The following EXOC3L4 variants were observed in gnomAD, a reference collection of about 807,000 sequenced individuals.
EXOC3L4 encodes the protein exocyst complex component 3 like 4, also known as exocyst complex component 3-like protein 4.
A neutral mutation model predicts 69.7 loss-of-function variants in EXOC3L4; 62 were observed. That is an observed-to-expected ratio of 0.89 (90% confidence interval 0.72 to 1.10). EXOC3L4 has a LOEUF of 1.10. Among genes scored for constraint, EXOC3L4 ranks in the 50% least tolerant of loss-of-function variants. EXOC3L4 has a pLI of 0.00. For missense variants in EXOC3L4, 1,087 were observed against 1,034.8 expected (o/e 1.05, Z -0.69); for synonymous variants, 502 against 464.2 (o/e 1.08, Z -1.05).
At position 103,110,112 on chromosome 14, in the gene EXOC3L4, C is replaced by T. The variant is rs1241205803; in HGVS notation, c.2058C>T (p.Asp686=). Residue 686 remains aspartate (D), a synonymous_variant, in exon 12 of 12, where the codon GAC becomes GAT. Transcript: ENST00000688303. ...AGCATCTCTTGCAGCACACTCAAGACCTGCTGAGAGCTGCGGCCGGGGCGG... is the reference window on the plus strand; with the variant it reads ...AGCATCTCTTGCAGCACACTCAAGATCTGCTGAGAGCTGCGGCCGGGGCGG... The part of the protein sequence containing the change: ...RNQHLLQHTQ[D]LLRAAAGAAG... 2 of 1,580,852 alleles carry T rather than the reference C, an allele frequency of 1.3e-6. No homozygotes were observed. Among genetic ancestry groups the T allele is most frequent in the South Asian group, 1.2e-5 (1 of 86,800 alleles).
In EXOC3L4 at chr14:103,102,253, G is replaced by C. The variant is rs777404935; in HGVS notation, c.530G>C (p.Arg177Pro). The C allele has an allele frequency of 6.3e-7, 1 of 1,586,480 alleles. No homozygotes were observed. Among genetic ancestry groups the C allele is most frequent in the Non-Finnish European group, 8.6e-7 (1 of 1,168,444 alleles). ...GAGCAGGACCCTACGGCCTTCGCGC[G>C]GCGCGCTATGGACGTGTGCCTGCTT... The part of the protein sequence containing the change: ...TFEQDPTAFA[R>P]RAMDVCLLYD... The change falls in exon 3 of 12, where the codon CGG becomes CCG. Residue 177 changes from arginine to proline, a missense_variant. Physicochemically the swap from Arg to Pro is moderately radical, Grantham distance 103 (BLOSUM62 -2). Transcript: ENST00000688303.
chr14:103,095,586 A>C (rs1302638486), intron 1 of EXOC3L4, among the ~76,000 whole-genome samples: 3 of 152,178 alleles, frequency 2.0e-5, no homozygotes, highest in Non-Finnish European at 4.4e-5. Flanking sequence ...TGAGGGAATG[A>C]GTTGGGACTG....
intron 2 of EXOC3L4, among the ~76,000 whole-genome samples, chr14:103,101,008 T>G (rs1270999170): frequency 1.3e-5 from 2 of 151,688 alleles, no homozygotes; most frequent in Non-Finnish European, 2.9e-5. Flanking sequence ...GTTCAAGTGA[T>G]TCTTCTGCCT....
At chr14:103,106,610 C>T (rs1254797328) in intron 7 of EXOC3L4, among the ~76,000 whole-genome samples, 175 bp from the exon 8 acceptor site, 1 of 152,194 alleles carries the variant, frequency 6.6e-6, no homozygotes, top group Non-Finnish European at 1.5e-5. Flanking sequence ...TTGTGACTGG[C>T]TCCCTGGGCT....
Position 103,106,777 on chromosome 14 carries a change from C to T in EXOC3L4, c.1467-8C>T, listed in dbSNP as rs534488498. The stretch of plus-strand genomic sequence containing the variant: ...CCCACCTCATCGCTGGTCCTGGCCC[C>T]TCCCCAGGACCAGTCTTCTCTCCAG... On this transcript the variant is annotated splice_polypyrimidine_tract_variant and splice_region_variant and intron_variant, in intron 7 of 11. Coordinates refer to ENST00000688303, the MANE Select transcript of EXOC3L4 (RefSeq NM_001077594.2). The T allele has an allele frequency of 6.4e-7, 1 of 1,550,742 alleles. No individual in the cohort carries two copies. The highest frequency in any genetic ancestry group is 1.2e-5 in the South Asian group (1 of 84,582).
Position 103,110,125 on chromosome 14 carries a change from G to T in EXOC3L4, c.2071G>T (p.Ala691Ser), listed in dbSNP as rs1164198094. 1 of 1,556,170 alleles carries T rather than the reference G, an allele frequency of 6.4e-7. No homozygotes were observed. The highest frequency in any genetic ancestry group is 2.0e-5 in the Admixed American group (1 of 51,002). Reference protein sequence around the residue: ...LQHTQDLLRAAAGAAGAEAPR... With the variant: ...LQHTQDLLRASAGAAGAEAPR... ...GCACACTCAAGACCTGCTGAGAGCTGCGGCCGGGGCGGCGGGTGCGGAGGC... is the reference window on the plus strand; with the variant it reads ...GCACACTCAAGACCTGCTGAGAGCTTCGGCCGGGGCGGCGGGTGCGGAGGC... The change falls in exon 12 of 12, where the codon GCG (alanine) becomes TCG (serine). Residue 691 changes from alanine to serine, a missense_variant. Transcript: ENST00000688303.
rs985989746 is a variant in EXOC3L4 at position 103,110,245 on chromosome 14, G to T, written c.*22G>T. On this transcript the variant is annotated 3_prime_UTR_variant, in exon 12 of 12. Coordinates refer to ENST00000688303, the MANE Select transcript of EXOC3L4 (RefSeq NM_001077594.2). ...CTAGTTCTCTCTGGCTCGAGGGGGG[G>T]CCGGCCGCTGGCAGGGAGCTGTGGT... 1.7e-5 allele frequency: 26 copies of T among 1,495,348 alleles called. No homozygotes were observed. The highest frequency in any genetic ancestry group is 2.0e-5 in the Non-Finnish European group (22 of 1,122,700). The allele number at this position is 1,495,348 out of a possible 1,614,324, so 92.6% of individuals were successfully genotyped here.
Position 103,108,449 on chromosome 14 carries a change from G to A in EXOC3L4, c.1908G>A (p.Leu636=), listed in dbSNP as rs763741958. 7 of 1,613,748 alleles carry A rather than the reference G, an allele frequency of 4.3e-6. No individual in the cohort carries two copies. The African/African-American group carries it at 9.4e-5, about 22-fold the overall frequency. Residue 636 remains leucine (L), a synonymous_variant, in exon 11 of 12, where the codon CTG becomes CTA. Coordinates refer to ENST00000688303, the MANE Select transcript of EXOC3L4 (RefSeq NM_001077594.2). ...CCATCCAGTGCGTGGCTGAGATCCTGGGCGAGACCTACAAAGATGACATCC... is the reference window on the plus strand; with the variant it reads ...CCATCCAGTGCGTGGCTGAGATCCTAGGCGAGACCTACAAAGATGACATCC... ...DQAIQCVAEI[L]GETYKDDIQR... is the part of the protein sequence containing the mutation.
At position 103,097,520 on chromosome 14, in the gene EXOC3L4, C is replaced by T. The variant is rs1889949438; in HGVS notation, c.-17+2680C>T. ...CCTTCAGGTCTCAGCCCCGCAGGCG[C>T]CAGCATGGCAGCAGGCAGGCCAGCC... On this transcript the variant is annotated intron_variant, in intron 1 of 11. Coordinates refer to ENST00000688303, the MANE Select transcript of EXOC3L4 (RefSeq NM_001077594.2). This position sits in a 1 kb window ranked among gnomAD's most constrained non-coding sequence, Gnocchi z 4.9. Among the ~76,000 whole-genome samples the T allele has an allele frequency of 6.6e-6, 1 of 152,130 alleles. No homozygotes were observed. Among genetic ancestry groups the T allele is most frequent in the Non-Finnish European group, 1.5e-5 (1 of 68,014 alleles).
chr14:103,101,466 G>A (rs1169874246), intron 2 of EXOC3L4, among the ~76,000 whole-genome samples: 3 of 152,346 alleles, frequency 2.0e-5, no homozygotes, highest in Non-Finnish European at 2.9e-5. Flanking sequence ...GTCTCACAGC[G>A]TGGAGAATGG....
Position 103,110,241 on chromosome 14 carries a change from G to T in EXOC3L4, c.*18G>T, listed in dbSNP as rs369045046. 1.0e-5 allele frequency: 15 copies of T among 1,497,778 alleles called. 1 individual carries two copies. The South Asian group carries it at 1.2e-4, about 12-fold the overall frequency. The allele number at this position is 1,497,778 out of a possible 1,614,324, so 92.8% of individuals were successfully genotyped here. A position where few individuals can be genotyped will look rare whatever the true frequency, so the allele number is the denominator to read the frequency against. ...GCGTCTAGTTCTCTCTGGCTCGAGG[G>T]GGGGCCGGCCGCTGGCAGGGAGCTG... On this transcript the variant is annotated 3_prime_UTR_variant, in exon 12 of 12. Coordinates refer to ENST00000688303, the MANE Select transcript of EXOC3L4 (RefSeq NM_001077594.2).
chr14:103,107,375 G>T (rs201051646), intron 8 of EXOC3L4, 49 bp from the exon 9 acceptor site: 1 of 1,590,194 alleles, frequency 6.3e-7, no homozygotes, highest in South Asian at 1.1e-5. Flanking sequence ...GAGGGGTTAC[G>T]TTGCGGGCGT....
At position 103,107,390 on chromosome 14, in the gene EXOC3L4, C is replaced by T. The variant is rs927698157; in HGVS notation, c.1582-34C>T. The T allele has an allele frequency of 1.1e-5, 17 of 1,601,206 alleles. No homozygotes were observed. In the East Asian group the frequency reaches 1.3e-4, roughly 13 times the overall value. ...GAGGGGTTACGTTGCGGGCGTAGTG[C>T]ACATTTGCAGACTCCCAGCCCCTCT... is the stretch of plus-strand genomic sequence containing the variant. On this transcript the variant is annotated intron_variant, in intron 8 of 11. Coordinates refer to ENST00000688303, the MANE Select transcript of EXOC3L4 (RefSeq NM_001077594.2).
intron 7 of EXOC3L4, among the ~76,000 whole-genome samples, chr14:103,105,500 G>C (rs78702790): frequency 0.03 from 4,516 of 152,132 alleles, 305 homozygotes; most frequent in East Asian, 0.25. Context: ...AGGGGCCCTG[G>C]GGGAGTGTGG....
At chr14:103,100,636 G>A (rs1045032964) in intron 2 of EXOC3L4, 23 bp downstream of exon 2, 9 of 1,584,820 alleles carry the variant, frequency 5.7e-6, no homozygotes, top group Non-Finnish European at 7.7e-6. Context: ...GAAACAACAC[G>A]AAGCATGAAA....
At position 103,102,214 on chromosome 14, in the gene EXOC3L4, C is replaced by T. The variant is rs1299980362; in HGVS notation, c.491C>T (p.Ala164Val). 3 of 1,592,370 alleles carry T rather than the reference C, an allele frequency of 1.9e-6. No individual in the cohort carries two copies. Among genetic ancestry groups the T allele is most frequent in the Non-Finnish European group, 2.6e-6 (3 of 1,170,334 alleles). Residue 164 changes from alanine (A) to valine (V), a missense_variant, in exon 3 of 12, where the codon GCC (alanine) becomes GTC (valine). Transcript: ENST00000688303. Reference protein sequence around the residue: ...RLETLLVAEKASRTFEQDPTA... With the variant: ...RLETLLVAEKVSRTFEQDPTA... ...GAGACGCTGCTGGTGGCCGAGAAGG[C>T]CTCGCGCACCTTTGAGCAGGACCCT... is the stretch of plus-strand genomic sequence containing the variant.
At chr14:103,096,514 C>T (rs1889894658) in intron 1 of EXOC3L4, among the ~76,000 whole-genome samples, 3 of 151,498 alleles carry the variant, frequency 2.0e-5, no homozygotes, top group East Asian at 2.0e-4. Context: ...GTTTATATCC[C>T]GATCATTGTC....
At chr14:103,102,015 A>T in intron 2 of EXOC3L4, 103 bp from the exon 3 acceptor site, 1 of 1,250,700 alleles carries the variant, frequency 8.0e-7, no homozygotes, top group Non-Finnish European at 1.1e-6. Context: ...GGCAGAGGAC[A>T]GACAATCCAG....
rs1349374717 is a variant in EXOC3L4, at chr14:103,104,039, C to A, written c.1148C>A (p.Thr383Asn). The A allele has an allele frequency of 6.4e-7, 1 of 1,574,412 alleles. No individual in the cohort carries two copies. The highest frequency in any genetic ancestry group is 1.8e-5 in the Admixed American group (1 of 56,300). ...TGGGCCCGACTGGAGAGCGACTACA[C>A]CAGCTTCCTGGAGGTCAGGCCGGGC... ...DVWARLESDY[T>N]SFLEAKIASC... Residue 383 changes from threonine (T) to asparagine (N), a missense_variant, in exon 4 of 12, where the codon ACC becomes AAC. Physicochemically the swap from Thr to Asn is moderately conservative, Grantham distance 65 (BLOSUM62 0). Transcript: ENST00000688303.
Sources: gnomAD v4.1 joint callset for allele counts (sites outside exome capture counted in the v4.1 genomes callset) on GRCh38, gnomAD v4.1.1 for gene constraint, Gnocchi (gnomAD v3.1) non-coding constraint, MANE v1.5 for transcripts, NCBI Gene and HGNC (gene_info 2026-07-23, HGNC 2026-07-21) for gene names.